RAB21: variants seen among roughly 807,000 people sequenced by gnomAD.
The protein encoded by RAB21 is RAB21, member RAS oncogene family.
In RAB21, 13 loss-of-function variants were observed where a neutral mutation model predicts 33.1. The observed-to-expected ratio is 0.39, with a 90% confidence interval of 0.26 to 0.62. The LOEUF is 0.62. Ranked by LOEUF, RAB21 falls within the 20% of genes least tolerant of loss-of-function variation. The pLI, the probability that RAB21 is intolerant of heterozygous loss-of-function variation, is 0.48. For synonymous variants in RAB21, 91 were observed against 103.7 expected, an observed-to-expected ratio of 0.88 and a Z score of 0.74; for missense variants, 234 against 279.1, an observed-to-expected ratio of 0.84 and a Z score of 1.15.
In RAB21 at chr12:71,788,264, A is replaced by G. The variant is rs920914217; in HGVS notation, c.*2591A>G. 6.6e-6 allele frequency: 1 copy of G among 152,218 alleles called. No individual in the cohort carries two copies. Among genetic ancestry groups the G allele is most frequent in the Admixed American group, 6.5e-5 (1 of 15,284 alleles). 9.4% of individuals were successfully genotyped at this position (152,218 alleles called of 1,614,324 possible). A position where few individuals can be genotyped will look rare whatever the true frequency, so the allele number is the denominator to read the frequency against. On this transcript the variant is annotated 3_prime_UTR_variant, in exon 7 of 7. Coordinates refer to ENST00000261263, the MANE Select transcript of RAB21 (RefSeq NM_014999.4). Reference sequence around the variant, plus strand: ...TAGGAACCTCTGCTCCAGAATTGCCAGATAATTATTGGTGGGTCATAACTA... The same window carrying G: ...TAGGAACCTCTGCTCCAGAATTGCCGGATAATTATTGGTGGGTCATAACTA...
chr12:71,758,372 A>G (rs955959869), intron 1 of RAB21, among the ~76,000 whole-genome samples: 3 of 151,664 alleles, frequency 2.0e-5, no homozygotes, highest in African/African-American at 2.4e-5. Context: ...AATTCTCCCC[A>G]CTGAGTCTTG....
chr12:71,789,388 A>G lies in RAB21; in HGVS notation c.*3715A>G, dbSNP rs1248597206. ...TTGATCTTACATATTCAGATAGTAT[A>G]GTTTACTCTTATAATTACCCGTTAC... On this transcript the variant is annotated 3_prime_UTR_variant, in exon 7 of 7. Coordinates refer to ENST00000261263, the MANE Select transcript of RAB21 (RefSeq NM_014999.4). The G allele has an allele frequency of 6.6e-6, 1 of 152,112 alleles. No individual in the cohort carries two copies. The highest frequency in any genetic ancestry group is 1.5e-5 in the Non-Finnish European group (1 of 67,966). The allele number at this position is 152,112 out of a possible 1,614,324, so 9.4% of individuals were successfully genotyped here. A position where few individuals can be genotyped will look rare whatever the true frequency, so the allele number is the denominator to read the frequency against.
Position 71,795,267 on chromosome 12 carries a change from G to A in RAB21, c.*9594G>A, listed in dbSNP as rs574149572. 2 of 152,310 alleles carry A rather than the reference G, an allele frequency of 1.3e-5. No homozygotes were observed. Among genetic ancestry groups the A allele is most frequent in the African/African-American group, 4.8e-5 (2 of 41,568 alleles). 9.4% of individuals were successfully genotyped at this position (152,310 alleles called of 1,614,324 possible). On this transcript the variant is annotated 3_prime_UTR_variant, in exon 7 of 7. Transcript: ENST00000261263. The stretch of plus-strand genomic sequence containing the variant: ...ATAGCCCCTTAAAAATATTGTCAAA[G>A]CATCATGGTATTTGTAGTGGTGCTT...
At chr12:71,770,756 A>G in intron 3 of RAB21, 57 bp downstream of exon 3, 1 of 1,128,742 alleles carries the variant, frequency 8.9e-7, no homozygotes, top group Non-Finnish European at 1.3e-6. Flanking sequence ...TCAAGTTTCC[A>G]TTAATATACC....
intron 1 of RAB21, among the ~76,000 whole-genome samples, chr12:71,758,963 T>C (rs1882830302): frequency 6.6e-6 from 1 of 152,204 alleles, no homozygotes; most frequent in Non-Finnish European, 1.5e-5. Context: ...TCTCTGAGCT[T>C]TTAGGGAAGC....
intron 1 of RAB21, 144 bp downstream of exon 1, chr12:71,755,432 C>G: frequency 9.5e-7 from 1 of 1,047,456 alleles, no homozygotes; most frequent in South Asian, 2.0e-5. Flanking sequence ...TTTCCGAATT[C>G]GCCCTGGGGA....
Position 71,789,111 on chromosome 12 carries a change from A to C in RAB21, c.*3438A>C, listed in dbSNP as rs1202154735. 6.6e-6 allele frequency: 1 copy of C among 152,044 alleles called. No homozygotes were observed. Among genetic ancestry groups the C allele is most frequent in the African/African-American group, 2.4e-5 (1 of 41,414 alleles). 9.4% of individuals were successfully genotyped at this position (152,044 alleles called of 1,614,324 possible). ...TTAGGTTTTTAGTAGTGAAAGATAA[A>C]ATTGGAAAAATAGGGAAAGAGCATA... On this transcript the variant is annotated 3_prime_UTR_variant, in exon 7 of 7. Coordinates refer to ENST00000261263, the MANE Select transcript of RAB21 (RefSeq NM_014999.4).
In RAB21 at chr12:71,786,606, A is replaced by G. The variant is rs921789029; in HGVS notation, c.*933A>G. On this transcript the variant is annotated 3_prime_UTR_variant, in exon 7 of 7. Coordinates refer to ENST00000261263, the MANE Select transcript of RAB21 (RefSeq NM_014999.4). Reference sequence around the variant, plus strand: ...AGCGCAAGGTGCAAAAATATATACAATAGTCTCATTGATGACTGTAAAGTG... The same window carrying G: ...AGCGCAAGGTGCAAAAATATATACAGTAGTCTCATTGATGACTGTAAAGTG... 4.6e-5 allele frequency: 7 copies of G among 152,624 alleles called. No homozygotes were observed. Among genetic ancestry groups the G allele is most frequent in the Non-Finnish European group, 7.3e-5 (5 of 68,040 alleles). The allele number at this position is 152,624 out of a possible 1,614,324, so 9.5% of individuals were successfully genotyped here.
At chr12:71,755,366 TC>T (rs2137634789) in intron 1 of RAB21, 78 bp downstream of exon 1, 3 of 1,393,424 alleles carry the variant, frequency 2.2e-6, no homozygotes, top group East Asian at 3.2e-5. Flanking sequence ...GCCGCCCTGG[TC>T]CCCTGGATGT....
rs1883432346 is a variant in RAB21, at chr12:71,794,411, ATATATATATATATATATTTTTTTTTT to A, written c.*8740_*8765del. On this transcript the variant is annotated 3_prime_UTR_variant, in exon 7 of 7. Coordinates refer to ENST00000261263, the MANE Select transcript of RAB21 (RefSeq NM_014999.4). ...AAACAAAACCATATATATATTATAT[ATATATATATATATATATTTTTTTTTT>A]TTTTTTTTTTTTTTTTTTTGAGACG... is the stretch of plus-strand genomic sequence containing the variant. The A allele has an allele frequency of 2.3e-5, 1 of 42,682 alleles. No homozygotes were observed. The highest frequency in any genetic ancestry group is 1.6e-4 in the African/African-American group (1 of 6,272). The allele number at this position is 42,682 out of a possible 1,614,324, so 2.6% of individuals were successfully genotyped here.
At chr12:71,772,974 A>T (rs1050965052) in intron 3 of RAB21, among the ~76,000 whole-genome samples, 1 of 152,242 alleles carries the variant, frequency 6.6e-6, no homozygotes, top group African/African-American at 2.4e-5. Flanking sequence ...CCAGATGCAC[A>T]GTAAGTGGTT....
At chr12:71,764,964 A>G (rs1296547023) in intron 1 of RAB21, among the ~76,000 whole-genome samples, 3 of 152,080 alleles carry the variant, frequency 2.0e-5, no homozygotes, top group Non-Finnish European at 4.4e-5. Context: ...CCTTTGGGTA[A>G]ATACTCAGTA....
At chr12:71,761,982 G>A (rs1024509470) in intron 1 of RAB21, among the ~76,000 whole-genome samples, 1 of 152,120 alleles carries the variant, frequency 6.6e-6, no homozygotes, top group African/African-American at 2.4e-5. Context: ...GTTAATTTAA[G>A]TGATTTATTA....
intron 1 of RAB21, among the ~76,000 whole-genome samples, chr12:71,762,292 G>GT (rs1338445473): frequency 6.6e-6 from 1 of 151,334 alleles, no homozygotes; most frequent in Admixed American, 6.6e-5. Context: ...CTTAGGTTTT[G>GT]TTTTGTTTTG....
At position 71,792,466 on chromosome 12, in the gene RAB21, G is replaced by A. The variant is rs2137665935; in HGVS notation, c.*6793G>A. ...TTACAGTGTCCAACAATTTATAGGA[G>A]CTTCTCTGCACTGTCAAGACTATAG... is the stretch of plus-strand genomic sequence containing the variant. On this transcript the variant is annotated 3_prime_UTR_variant, in exon 7 of 7. Transcript: ENST00000261263. The A allele has an allele frequency of 6.6e-6, 1 of 152,266 alleles. No homozygotes were observed. Among genetic ancestry groups the A allele is most frequent in the South Asian group, 2.1e-4 (1 of 4,820 alleles). The allele number at this position is 152,266 out of a possible 1,614,324, so 9.4% of individuals were successfully genotyped here.
intron 1 of RAB21, among the ~76,000 whole-genome samples, chr12:71,760,798 A>G (rs1312360424): frequency 1.3e-5 from 2 of 152,066 alleles, no homozygotes; most frequent in Non-Finnish European, 2.9e-5. Context: ...TCCCAACTAT[A>G]GAATTCTGCT....
intron 3 of RAB21, 31 bp from the exon 4 acceptor site, chr12:71,773,928 T>C (rs1304658983): frequency 1.3e-6 from 2 of 1,484,802 alleles, no homozygotes; most frequent in Non-Finnish European, 1.8e-6. Context: ...CAACAGGATT[T>C]GTTTTAATAT....
rs774220659 is a variant in RAB21 at position 71,769,887 on chromosome 12, G to A, written c.219+28G>A. 33 of 1,220,766 alleles carry A rather than the reference G, an allele frequency of 2.7e-5. No individual in the cohort carries two copies. The East Asian group carries it at 4.8e-4, about 18-fold the overall frequency. 75.6% of individuals were successfully genotyped at this position (1,220,766 alleles called of 1,614,324 possible). On this transcript the variant is annotated intron_variant, in intron 2 of 6. Transcript: ENST00000261263. ...AAGTGAACTTTTTCAACTATTATGC[G>A]TGGAGGCTTCTTCCTTTTTTCTTTT...
chr12:71,785,649 T>C lies in RAB21; in HGVS notation c.654T>C (p.Gly218=). 6.2e-7 allele frequency: 1 copy of C among 1,614,162 alleles called. No individual in the cohort carries two copies. The highest frequency in any genetic ancestry group is 8.5e-7 in the Non-Finnish European group (1 of 1,180,026). ...ATGAACCTCAAGCCCAGACCAGTGG[T>C]GGAGGGTGCTGTTCTTCTGGATAAC... ...IDDEPQAQTS[G]GGCCSSG is the part of the protein sequence containing the mutation. The change falls in exon 7 of 7, where the codon GGT becomes GGC. Residue 218 remains glycine, a synonymous_variant. Coordinates refer to ENST00000261263, the MANE Select transcript of RAB21 (RefSeq NM_014999.4).
Sources: allele counts gnomAD v4.1 joint callset (sites outside exome capture counted in the v4.1 genomes callset), GRCh38; gene constraint gnomAD v4.1.1; transcripts MANE v1.5; gene names NCBI Gene and HGNC (gene_info 2026-07-23, HGNC 2026-07-21).